HMGB1: variants seen among roughly 807,000 people sequenced by gnomAD.
The protein encoded by HMGB1 is high mobility group box 1.
For missense variants in HMGB1, 79 were observed against 253.5 expected (o/e 0.31, Z 4.67); for synonymous variants, 81 against 84.0 (o/e 0.96, Z 0.19).
chr13:30,581,776 G>C (rs908671273), intron 1 of HMGB1, among the ~76,000 whole-genome samples: 6 of 152,160 alleles, frequency 3.9e-5, no homozygotes, highest in African/African-American at 1.4e-4. Flanking sequence ...TGCAGGAAAA[G>C]TTTTGAGTCC....
upstream of HMGB1, among the ~76,000 whole-genome samples, chr13:30,466,301 C>CA (rs1011604903): frequency 3.3e-5 from 5 of 151,702 alleles, no homozygotes; most frequent in African/African-American, 4.8e-5. Context: ...AGGTCTCCCC[C>CA]CCCCTTCTTG....
At chr13:30,511,882 C>T (rs1054949623) in intron 1 of HMGB1, among the ~76,000 whole-genome samples, 2 of 152,204 alleles carry the variant, frequency 1.3e-5, no homozygotes, top group African/African-American at 2.4e-5. Flanking sequence ...TCCTTAGCTA[C>T]ATCTTCAAGG....
At chr13:30,483,012 C>T (rs1887271020) in intron 1 of HMGB1, among the ~76,000 whole-genome samples, 1 of 151,742 alleles carries the variant, frequency 6.6e-6, no homozygotes, top group Admixed American at 6.6e-5. Flanking sequence ...CAGGCTGGTC[C>T]CGAACTTCTG....
At chr13:30,534,649 G>A (rs1217254734) in intron 1 of HMGB1, among the ~76,000 whole-genome samples, 1 of 103,328 alleles carries the variant, frequency 9.7e-6, no homozygotes, top group Non-Finnish European at 1.9e-5. Flanking sequence ...CACCATCTTT[G>A]CTCATTGCAA....
chr13:30,588,841 T>C lies in HMGB1; in HGVS notation c.-15+27830A>G, dbSNP rs150200438. Among the ~76,000 whole-genome samples, 802 of 151,872 alleles carry C rather than the reference T, an allele frequency of 5.3e-3. 6 individuals are homozygous for C. Among genetic ancestry groups the C allele is most frequent in the African/African-American group, 0.017 (716 of 41,428 alleles). On this transcript the variant is annotated intron_variant, in intron 1 of 4. Coordinates refer to the HMGB1 transcript ENST00000405805. Reference sequence around the variant, plus strand: ...CTGAGGCAGGAGACTCGCTTGAATCTGGGAGGCGGAGGTTGCAGTGAGCCG... The same window carrying C: ...CTGAGGCAGGAGACTCGCTTGAATCCGGGAGGCGGAGGTTGCAGTGAGCCG...
intron 1 of HMGB1, chr13:30,464,801 G>GTA: frequency 2.2e-5 from 4 of 185,576 alleles, no homozygotes; most frequent in Non-Finnish European, 3.8e-5. Flanking sequence ...GAGAGAGTGT[G>GTA]TGAGTGCGAG....
At position 30,498,908 on chromosome 13, in the gene HMGB1, A is replaced by G. The variant is rs148634334; in HGVS notation, c.-14-35214T>C. Among the ~76,000 whole-genome samples, 270 of 150,518 alleles carry G rather than the reference A, an allele frequency of 1.8e-3. 2 individuals are homozygous for G. The highest frequency in any genetic ancestry group is 6.3e-3 in the Admixed American group (96 of 15,154). On this transcript the variant is annotated intron_variant, in intron 1 of 4. Coordinates refer to the HMGB1 transcript ENST00000405805. Reference sequence around the variant, plus strand: ...AGTGATCCACCTGTCTCAGCCTCCTAAAGTGCTGGGATTACAAGTGTGAGC... The same window carrying G: ...AGTGATCCACCTGTCTCAGCCTCCTGAAGTGCTGGGATTACAAGTGTGAGC...
In HMGB1 at chr13:30,458,267, A is replaced by T. The variant is rs1262286858; in HGVS notation, c.*3090T>A. ...ACCTAAATGTGAACTTTCATCAAGG[A>T]CTATGTGATGTCAAGCAAGGCAGTA... On this transcript the variant is annotated 3_prime_UTR_variant, in exon 5 of 5. Coordinates refer to ENST00000341423, the MANE Select transcript of HMGB1 (RefSeq NM_002128.7). 6.6e-6 allele frequency: 1 copy of T among 151,922 alleles called. No homozygotes were observed. The highest frequency in any genetic ancestry group is 6.6e-5 in the Admixed American group (1 of 15,252). The allele number at this position is 151,922 out of a possible 1,614,324, so 9.4% of individuals were successfully genotyped here. A position where few individuals can be genotyped will look rare whatever the true frequency, so the allele number is the denominator to read the frequency against.
intron 1 of HMGB1, among the ~76,000 whole-genome samples, chr13:30,475,359 A>G (rs1887070491): frequency 6.7e-6 from 1 of 149,678 alleles, no homozygotes; most frequent in African/African-American, 2.5e-5. Context: ...GGTGCACACC[A>G]TCATGCCTGG....
intron 1 of HMGB1, among the ~76,000 whole-genome samples, chr13:30,537,215 C>T (rs1216992063): frequency 6.6e-6 from 1 of 151,946 alleles, no homozygotes; most frequent in Non-Finnish European, 1.5e-5. Context: ...TTAAGTTATT[C>T]TGTCTTGATC....
chr13:30,521,628 CAT>C (rs1180180324), intron 1 of HMGB1, among the ~76,000 whole-genome samples: 3 of 152,188 alleles, frequency 2.0e-5, no homozygotes, highest in East Asian at 1.9e-4. Flanking sequence ...TTGATGGACA[CAT>C]GAGTGGTTTC....
At chr13:30,608,514 T>A (rs1301700419) in intron 1 of HMGB1, among the ~76,000 whole-genome samples, 2 of 152,192 alleles carry the variant, frequency 1.3e-5, no homozygotes, top group Non-Finnish European at 2.9e-5. Context: ...TGACCTCTAC[T>A]CTTAACTCCT....
intron 1 of HMGB1, among the ~76,000 whole-genome samples, chr13:30,480,743 G>T (rs536948318): frequency 6.6e-6 from 1 of 151,834 alleles, no homozygotes; most frequent in African/African-American, 2.4e-5. Flanking sequence ...TCCTTCCCTC[G>T]CTCCTTTTTC....
At chr13:30,505,628 T>C (rs959533739) in intron 1 of HMGB1, among the ~76,000 whole-genome samples, 1 of 150,970 alleles carries the variant, frequency 6.6e-6, no homozygotes, top group East Asian at 2.0e-4. Flanking sequence ...CAACTTCTTA[T>C]TATGGAAAAT....
intron 1 of HMGB1, among the ~76,000 whole-genome samples, chr13:30,583,715 T>TTG (rs1248656287): frequency 6.6e-6 from 1 of 150,992 alleles, no homozygotes; most frequent in Non-Finnish European, 1.5e-5. Context: ...GGCATGCACC[T>TTG]GTAGTCTCAG....
intron 1 of HMGB1, among the ~76,000 whole-genome samples, chr13:30,494,288 T>C (rs1381159710): frequency 6.6e-6 from 1 of 152,212 alleles, no homozygotes; most frequent in African/African-American, 2.4e-5. Context: ...AATTTATCTC[T>C]AACCTTGTTT....
At chr13:30,491,410 A>G (rs1353753480) in intron 1 of HMGB1, among the ~76,000 whole-genome samples, 2 of 152,208 alleles carry the variant, frequency 1.3e-5, no homozygotes, top group African/African-American at 4.8e-5. Flanking sequence ...GAGGCTGGGC[A>G]CGGTGGCTCA....
intron 1 of HMGB1, among the ~76,000 whole-genome samples, chr13:30,532,284 G>A (rs1888512833): frequency 6.9e-6 from 1 of 145,970 alleles, no homozygotes; most frequent in South Asian, 2.2e-4. Context: ...GCCGTGAGCT[G>A]AGATCTCACC....
At chr13:30,535,351 A>G (rs1868382087) in intron 1 of HMGB1, among the ~76,000 whole-genome samples, 1 of 152,196 alleles carries the variant, frequency 6.6e-6, no homozygotes, top group Admixed American at 6.5e-5. Flanking sequence ...ATGATTGAGA[A>G]CTTCTGAAAT....
Sources: allele counts gnomAD v4.1 joint callset (sites outside exome capture counted in the v4.1 genomes callset), GRCh38; gene constraint gnomAD v4.1.1; transcripts MANE v1.5; gene names NCBI Gene and HGNC (gene_info 2026-07-23, HGNC 2026-07-21).